The following ZNF875 variants were observed in gnomAD, a reference collection of about 807,000 sequenced individuals.
ZNF875 encodes the protein zinc finger protein 875.
ZNF875 carries 14 observed loss-of-function variants against 11.2 expected under a neutral mutation model. The observed-to-expected ratio is 1.26, with a 90% CI of 0.83 to 1.96. The LOEUF (loss-of-function observed/expected upper bound fraction) is 1.96. ZNF875 is among the 30% of genes most tolerant of loss of function. ZNF875 has a pLI of 0.00. For synonymous variants in ZNF875, 301 were observed against 281.1 expected, an observed-to-expected ratio of 1.07 and a Z score of -0.71; for missense variants, 752 against 760.4, an observed-to-expected ratio of 0.99 and a Z score of 0.13.
intron 2 of ZNF875, among the ~76,000 whole-genome samples, chr19:37,336,297 ATTTTTTT>A (rs34434733): frequency 1.6e-4 from 20 of 124,352 alleles, no homozygotes; most frequent in South Asian, 5.5e-4. Context: ...TTAAGATTGA[ATTTTTTT>A]TTTTTTTTTT....
chr19:37,362,668 C>T lies in ZNF875; in HGVS notation c.816C>T (p.Asn272=). ...SFGSMSVLIK[N]PRTHSGGKPY... ...GCAGTATGTCAGTCCTCATCAAAAA[C>T]CCAAGGACACACTCTGGGGGAAAGC... Residue 272 remains asparagine, a synonymous_variant, in exon 5 of 5, where the codon AAC becomes AAT. Transcript: ENST00000392153. 1 of 1,612,938 alleles carries T rather than the reference C, an allele frequency of 6.2e-7. No homozygotes were observed. The highest frequency in any genetic ancestry group is 1.1e-5 in the South Asian group (1 of 90,874).
intron 4 of ZNF875, among the ~76,000 whole-genome samples, chr19:37,326,749 A>C (rs538150024): frequency 9.8e-4 from 145 of 147,270 alleles, no homozygotes; most frequent in African/African-American, 3.5e-3. Context: ...CTCACTACAA[A>C]CTCTGCCTTC....
chr19:37,315,612 G>T (rs2030145313), upstream of ZNF875: 1 of 152,138 alleles, frequency 6.6e-6, no homozygotes, highest in Non-Finnish European at 1.5e-5. Context: ...AGAGGAGTTT[G>T]CTGAGTCAGT....
chr19:37,361,699 C>G (rs1472875023), intron 4 of ZNF875, among the ~76,000 whole-genome samples: 1 of 151,764 alleles, frequency 6.6e-6, no homozygotes, highest in Non-Finnish European at 1.5e-5. Context: ...TTAGGCTGAC[C>G]TGAGGTCAGG....
At chr19:37,338,880 A>G in intron 2 of ZNF875, among the ~76,000 whole-genome samples, 1 of 152,228 alleles carries the variant, frequency 6.6e-6, no homozygotes. Flanking sequence ...AATTATACAA[A>G]ATAATCAAAG....
rs117564214 is a variant in ZNF875 at position 37,342,082 on chromosome 19, G to A, written c.34-5108G>A. On this transcript the variant is annotated intron_variant, in intron 2 of 4. Coordinates refer to ENST00000392153, the MANE Select transcript of ZNF875 (RefSeq NM_001353803.2). ...GGCCTCACATCTTTGGCAAGGTGTC[G>A]GTGCTATGGGACAATGCCCATAAGA... Among the ~76,000 whole-genome samples the A allele has an allele frequency of 7.1e-3, 1,080 of 152,264 alleles. 6 individuals are homozygous for A. Among genetic ancestry groups the A allele is most frequent in the Non-Finnish European group, 0.011 (718 of 68,020 alleles).
At chr19:37,339,922 C>T (rs1237341481) in intron 2 of ZNF875, among the ~76,000 whole-genome samples, 1 of 152,016 alleles carries the variant, frequency 6.6e-6, no homozygotes, top group Non-Finnish European at 1.5e-5. Flanking sequence ...TTTTCTGAGA[C>T]TCCCTTCTTC....
intron 4 of ZNF875, among the ~76,000 whole-genome samples, chr19:37,349,950 C>T (rs372004605): frequency 8.1e-5 from 12 of 148,066 alleles, no homozygotes; most frequent in Admixed American, 3.4e-4. Context: ...CCACCACGCC[C>T]GGCCCCCACT....
intron 3 of ZNF875, 146 bp downstream of exon 3, chr19:37,347,462 A>G: frequency 4.1e-6 from 3 of 731,886 alleles, no homozygotes; most frequent in Non-Finnish European, 6.6e-6. Flanking sequence ...ATCTGGATTT[A>G]GTAGAATTGA....
chr19:37,348,225 G>A (rs756679750), intron 4 of ZNF875, among the ~76,000 whole-genome samples: 2 of 152,178 alleles, frequency 1.3e-5, no homozygotes, highest in Non-Finnish European at 2.9e-5. Context: ...CTTATGCTAA[G>A]ATTAATTGAT....
chr19:37,353,154 G>A (rs534883461), intron 4 of ZNF875, among the ~76,000 whole-genome samples: 3 of 152,242 alleles, frequency 2.0e-5, no homozygotes, highest in African/African-American at 7.2e-5. Flanking sequence ...GATTACAGGC[G>A]TGAGCCACCG....
At chr19:37,350,379 CT>C (rs1444627636) in intron 4 of ZNF875, among the ~76,000 whole-genome samples, 3 of 152,188 alleles carry the variant, frequency 2.0e-5, no homozygotes, top group African/African-American at 7.2e-5. Flanking sequence ...GCGTGAGCCA[CT>C]TTACCTGATG....
At chr19:37,347,022 G>A (rs1194801106) in intron 2 of ZNF875, 168 bp from the exon 3 acceptor site, 1 of 709,408 alleles carries the variant, frequency 1.4e-6, no homozygotes, top group Non-Finnish European at 2.4e-6. Flanking sequence ...TCTCCATATT[G>A]GTCAGGCTGA....
chr19:37,350,799 C>CT (rs61142979), intron 4 of ZNF875, among the ~76,000 whole-genome samples: 15,708 of 91,262 alleles, frequency 0.17, 1,820 homozygotes, highest in South Asian at 0.23. Context: ...ATTCTTTTTG[C>CT]TTTTTTTTTT....
rs1488027100 is a variant in ZNF875, at chr19:37,362,885, C to T, written c.1033C>T (p.Gln345Ter). Residue 345 changes from glutamine to a stop codon, truncating the protein, a stop_gained, in exon 5 of 5, where the codon CAG becomes TAG. Transcript: ENST00000392153. LOFTEE classifies it low-confidence loss of function (END_TRUNC). ...GCCTTATGTGTGCAAGGAATGTGGG[C>T]AGAGCTTTAGCCTGAAGTCAAACCT... ...LKPYVCKECG[Q>*]SFSLKSNLIT... The T allele has an allele frequency of 6.2e-7, 1 of 1,613,970 alleles. No individual in the cohort carries two copies. Among genetic ancestry groups the T allele is most frequent in the Non-Finnish European group, 8.5e-7 (1 of 1,179,994 alleles).
At chr19:37,347,700 C>G in intron 3 of ZNF875, 77 bp from the exon 4 acceptor site, 1 of 889,564 alleles carries the variant, frequency 1.1e-6, no homozygotes, top group African/African-American at 1.6e-5. Context: ...GTTTCCTCAC[C>G]CATTTCAGCT....
intron 4 of ZNF875, among the ~76,000 whole-genome samples, chr19:37,355,990 G>C (rs2146520538): frequency 6.6e-6 from 1 of 152,072 alleles, no homozygotes; most frequent in East Asian, 1.9e-4. Flanking sequence ...ATGTCCGTGT[G>C]TACCCATTGT....
At chr19:37,351,143 T>C (rs534870425) in intron 4 of ZNF875, among the ~76,000 whole-genome samples, 28 of 152,342 alleles carry the variant, frequency 1.8e-4, no homozygotes, top group African/African-American at 6.0e-4. Context: ...ATTATTCTTA[T>C]GCTACATTTC....
chr19:37,347,888 G>C lies in ZNF875; in HGVS notation c.256+16G>C, dbSNP rs757270217. 3.5e-6 allele frequency: 5 copies of C among 1,417,086 alleles called. No individual in the cohort carries two copies. In the East Asian group the frequency reaches 1.1e-4, roughly 32 times the overall value. The allele number at this position is 1,417,086 out of a possible 1,614,324, so 87.8% of individuals were successfully genotyped here. A position where few individuals can be genotyped will look rare whatever the true frequency, so the allele number is the denominator to read the frequency against. On this transcript the variant is annotated intron_variant, in intron 4 of 4. Transcript: ENST00000392153. ...CTCTGTCCAGGTGAGTGTTGAGTGT[G>C]GGGTAGACGGGATAATCCACAGCTT...
Sources: gnomAD v4.1 joint callset for allele counts (sites outside exome capture counted in the v4.1 genomes callset) on GRCh38, gnomAD v4.1.1 for gene constraint, MANE v1.5 for transcripts, NCBI Gene and HGNC (gene_info 2026-07-23, HGNC 2026-07-21) for gene names.